Variants in EPHB1 observed in about 807,000 individuals in gnomAD.
EPHB1 encodes the protein EPH receptor B1.
Under a neutral mutation model 94.4 loss-of-function variants are expected in EPHB1, and 30 were observed. That is an observed-to-expected ratio of 0.32 (90% CI 0.24 to 0.43). The LOEUF is 0.43. Ranked by LOEUF, EPHB1 falls within the 20% of genes least tolerant of loss-of-function variation. The pLI, the probability that EPHB1 is intolerant of heterozygous loss-of-function variation, is 1.00. For synonymous variants in EPHB1, 522 were observed against 489.1 expected, an observed-to-expected ratio of 1.07 and a Z score of -0.89; for missense variants, 1,055 against 1,308.3, an observed-to-expected ratio of 0.81 and a Z score of 2.99.
chr3:134,947,601 C>T (rs1308571046), intron 2 of EPHB1, among the ~76,000 whole-genome samples: 2 of 152,324 alleles, frequency 1.3e-5, no homozygotes, highest in East Asian at 3.9e-4. Context: ...TCAATTAGAT[C>T]TGTAGAATTT....
At chr3:135,231,056 C>T (rs943136058) in intron 12 of EPHB1, among the ~76,000 whole-genome samples, 2 of 152,188 alleles carry the variant, frequency 1.3e-5, no homozygotes, top group African/African-American at 2.4e-5. Context: ...AAAGACCTGA[C>T]TACCCCTGCG....
At chr3:135,055,628 C>G (rs891717561) in intron 3 of EPHB1, among the ~76,000 whole-genome samples, 1 of 152,220 alleles carries the variant, frequency 6.6e-6, no homozygotes, top group African/African-American at 2.4e-5. Context: ...CCATACAGAT[C>G]ACCAAGTTGC....
In EPHB1 at chr3:135,110,445, G is replaced by A. The variant is rs552471577; in HGVS notation, c.961+3842G>A. Among the ~76,000 whole-genome samples, 7 of 152,314 alleles carry A rather than the reference G, an allele frequency of 4.6e-5. 1 individual carries two copies. The highest frequency in any genetic ancestry group is 1.7e-4 in the African/African-American group (7 of 41,582). On this transcript the variant is annotated intron_variant, in intron 4 of 15. Transcript: ENST00000398015. ...TCCTCCCTCCTGACTGCCACTGAGAGGCAGGGAAGCTTAGTGGCAGGGGCA... is the reference window on the plus strand; with the variant it reads ...TCCTCCCTCCTGACTGCCACTGAGAAGCAGGGAAGCTTAGTGGCAGGGGCA...
intron 1 of EPHB1, among the ~76,000 whole-genome samples, chr3:134,803,783 C>T (rs1001001213): frequency 2.0e-5 from 3 of 152,206 alleles, no homozygotes; most frequent in Non-Finnish European, 4.4e-5. Flanking sequence ...CCAGTTCAGT[C>T]ACCTTTTCCA....
intron 1 of EPHB1, among the ~76,000 whole-genome samples, chr3:134,846,855 G>A (rs1229548140): frequency 6.6e-6 from 1 of 152,102 alleles, no homozygotes; most frequent in Non-Finnish European, 1.5e-5. Flanking sequence ...GGGCCGGGAG[G>A]GTCATGTGAT....
intron 11 of EPHB1, among the ~76,000 whole-genome samples, chr3:135,194,209 T>C (rs941291503): frequency 6.6e-6 from 1 of 152,212 alleles, no homozygotes; most frequent in African/African-American, 2.4e-5. Context: ...CTCAATGTCT[T>C]CTTAAACATG....
At chr3:135,110,462 G>T (rs966974584) in intron 4 of EPHB1, among the ~76,000 whole-genome samples, 2 of 152,180 alleles carry the variant, frequency 1.3e-5, no homozygotes, top group Non-Finnish European at 2.9e-5. Context: ...AAGCTTAGTG[G>T]CAGGGGCAGG....
intron 12 of EPHB1, among the ~76,000 whole-genome samples, chr3:135,221,734 T>G (rs894853013): frequency 2.6e-5 from 4 of 152,318 alleles, no homozygotes; most frequent in African/African-American, 9.6e-5. Flanking sequence ...GATACTATAT[T>G]ACGCCTCATG....
At chr3:135,054,680 A>C (rs950842090) in intron 3 of EPHB1, among the ~76,000 whole-genome samples, 7 of 152,214 alleles carry the variant, frequency 4.6e-5, no homozygotes, top group African/African-American at 1.7e-4. Context: ...GATTTATTAT[A>C]AAAGATTTAT....
At chr3:134,960,773 G>A (rs1416590903) in intron 3 of EPHB1, among the ~76,000 whole-genome samples, 1 of 152,230 alleles carries the variant, frequency 6.6e-6, no homozygotes, top group Non-Finnish European at 1.5e-5. Flanking sequence ...ATTTGGGCCA[G>A]CAAGGCCAAA....
rs1179701662 is a variant in EPHB1 at position 135,142,231 on chromosome 3, G to A, written c.1297+9182G>A. Among the ~76,000 whole-genome samples, 4 of 152,196 alleles carry A rather than the reference G, an allele frequency of 2.6e-5. No individual in the cohort carries two copies. In the East Asian group the frequency reaches 7.7e-4, roughly 29 times the overall value. On this transcript the variant is annotated intron_variant, in intron 5 of 15. Transcript: ENST00000398015. Reference sequence around the variant, plus strand: ...AAAGGCTTGGCAGTGCTATTGAAGAGAATGGGAAATGGAACTACCCAGGTA... The same window carrying A: ...AAAGGCTTGGCAGTGCTATTGAAGAAAATGGGAAATGGAACTACCCAGGTA...
intron 5 of EPHB1, among the ~76,000 whole-genome samples, chr3:135,149,367 G>A (rs776959662): frequency 6.2e-4 from 95 of 152,318 alleles, no homozygotes; most frequent in Non-Finnish European, 1.1e-3. Flanking sequence ...ATAGAGAAAA[G>A]ACAATTAGCC....
intron 1 of EPHB1, among the ~76,000 whole-genome samples, chr3:134,858,568 A>G (rs541760499): frequency 3.9e-5 from 6 of 152,328 alleles, no homozygotes; most frequent in South Asian, 2.1e-4. Flanking sequence ...AGCAGCCCCA[A>G]CGTAAATTAA....
At position 134,951,051 on chromosome 3, in the gene EPHB1, A is replaced by G. The variant is rs190239850; in HGVS notation, c.124-320A>G. 6.6e-4 allele frequency among the ~76,000 whole-genome samples: 100 copies of G among 152,294 alleles called. No homozygotes were observed. The highest frequency in any genetic ancestry group is 3.1e-4 in the Non-Finnish European group (21 of 68,022). ...TGAGGAAGAAAGTCCCTGCCATCAC[A>G]TGGGCTGAAAGCTGCATGTTGTCCC... On this transcript the variant is annotated intron_variant, in intron 2 of 15. Transcript: ENST00000398015. This position sits in a 1 kb window ranked among gnomAD's most constrained non-coding sequence, Gnocchi z 4.5.
intron 5 of EPHB1, among the ~76,000 whole-genome samples, chr3:135,146,034 G>A (rs77924426): frequency 0.025 from 3,761 of 152,298 alleles, 149 homozygotes; most frequent in African/African-American, 0.086. Context: ...AGACTTTATT[G>A]CACTGATGGA....
intron 11 of EPHB1, among the ~76,000 whole-genome samples, chr3:135,198,458 T>C (rs1942678260): frequency 6.6e-6 from 1 of 152,224 alleles, no homozygotes; most frequent in African/African-American, 2.4e-5. Context: ...TTGTGACTAA[T>C]TGAGCCAAAG....
rs560625124 is a variant in EPHB1, at chr3:135,173,160, A to G, written c.1759+6154A>G. The stretch of plus-strand genomic sequence containing the variant: ...CGCCATTCTCCTGCCTCAGCCTCCC[A>G]AGTAGCTGGGACTACAGGCGCGCGC... On this transcript the variant is annotated intron_variant, in intron 9 of 15. Transcript: ENST00000398015. Among the ~76,000 whole-genome samples, 673 of 148,154 alleles carry G rather than the reference A, an allele frequency of 4.5e-3. 2 individuals carry two copies. Among genetic ancestry groups the G allele is most frequent in the Non-Finnish European group, 7.1e-3 (475 of 67,102 alleles).
chr3:134,886,331 C>T (rs992445998), intron 1 of EPHB1, among the ~76,000 whole-genome samples: 5 of 152,222 alleles, frequency 3.3e-5, no homozygotes, highest in East Asian at 1.9e-4. Context: ...TCATTCTCTA[C>T]GTGCTTGACA....
intron 3 of EPHB1, among the ~76,000 whole-genome samples, chr3:134,982,133 A>G (rs1228210309): frequency 1.3e-5 from 2 of 152,190 alleles, no homozygotes; most frequent in Non-Finnish European, 2.9e-5. Flanking sequence ...CTTACTCTTC[A>G]ATGGCTACAT....
Sources: allele counts gnomAD v4.1 joint callset (sites outside exome capture counted in the v4.1 genomes callset), GRCh38; gene constraint gnomAD v4.1.1; non-coding constraint Gnocchi (gnomAD v3.1); transcripts MANE v1.5; gene names NCBI Gene and HGNC (gene_info 2026-07-23, HGNC 2026-07-21).